LOC101059915: variants seen among roughly 807,000 people sequenced by gnomAD.
chrX:71,668,157 C>G, the LOC101059915 span: 1 of 1,133,463 alleles, frequency 8.8e-7, no homozygotes, highest in South Asian at 2.2e-5. Context: ...CGTCCAGCGT[C>G]CAGGGACACC....
chrX:71,667,896 C>T, the LOC101059915 span: 17 of 1,123,867 alleles, frequency 1.5e-5, 2 homozygotes, highest in South Asian at 3.8e-4. Context: ...GCCCGGGAGC[C>T]CCACGGGGTG....
At chrX:71,669,999 T>C in the LOC101059915 span, among the ~76,000 whole-genome samples, 4 of 112,490 alleles carry the variant, frequency 3.6e-5, no homozygotes, top group East Asian at 2.8e-4. Flanking sequence ...TGCTCAGCCA[T>C]ACCGGCCCTC....
chrX:71,669,608 A>G, the LOC101059915 span: 1 of 965,097 alleles, frequency 1.0e-6, no homozygotes, highest in Non-Finnish European at 1.3e-6. Flanking sequence ...CGTCGTGGAG[A>G]ATACAGCAGT....
chrX:71,669,074 C>T, the LOC101059915 span: 114 of 1,120,498 alleles, frequency 1.0e-4, no homozygotes, highest in Middle Eastern at 2.6e-3. Context: ...CCTCCTTCTC[C>T]TCCTTGCTCT....
the LOC101059915 span, chrX:71,670,701 G>A: frequency 4.9e-5 from 54 of 1,110,532 alleles, no homozygotes; most frequent in African/African-American, 4.3e-4. Flanking sequence ...CAGCGGTGTC[G>A]TTCTGCAGGT....
At chrX:71,668,625 G>A in the LOC101059915 span, 3 of 1,081,999 alleles carry the variant, frequency 2.8e-6, no homozygotes, top group African/African-American at 1.9e-5. Context: ...CCCCAGTCGT[G>A]GAGAGGCCGG....
the LOC101059915 span, chrX:71,670,131 G>T: frequency 8.1e-6 from 7 of 862,794 alleles, no homozygotes; most frequent in Admixed American, 1.7e-4. Context: ...AGGGAGGGTT[G>T]GAGATGCTAG....
the LOC101059915 span, chrX:71,667,888 C>T: frequency 9.0e-7 from 1 of 1,113,904 alleles, no homozygotes; most frequent in Non-Finnish European, 1.2e-6. Flanking sequence ...CACCGCCAGC[C>T]CGGGAGCCCC....
chrX:71,669,911 G>GA, the LOC101059915 span, among the ~76,000 whole-genome samples: 1 of 111,680 alleles, frequency 9.0e-6, no homozygotes. Flanking sequence ...GTGTGGTGGG[G>GA]GCGATTTGGA....
the LOC101059915 span, chrX:71,667,786 T>A: frequency 9.5e-7 from 1 of 1,049,277 alleles, no homozygotes; most frequent in East Asian, 3.7e-5. Context: ...AGCCTGGCTG[T>A]CTAGACTGGC....
chrX:71,668,230 C>T, the LOC101059915 span: 4 of 1,118,207 alleles, frequency 3.6e-6, no homozygotes, highest in Non-Finnish European at 4.7e-6. Context: ...GGAGGTCGGT[C>T]CCAGTTGGAG....
At chrX:71,671,499 C>A in the LOC101059915 span, 1 of 316,630 alleles carries the variant, frequency 3.2e-6, no homozygotes. Context: ...CAGTTCAAAG[C>A]AGTGTGAAAT....
chrX:71,670,916 T>G, the LOC101059915 span: 2 of 752,290 alleles, frequency 2.7e-6, no homozygotes, highest in African/African-American at 2.3e-5. Context: ...TAGAGATACC[T>G]TATGTGTTTT....
the LOC101059915 span, chrX:71,668,697 G>A: frequency 2.8e-6 from 3 of 1,076,095 alleles, no homozygotes; most frequent in African/African-American, 5.7e-5. Context: ...GGGGAAAGAG[G>A]GGGGTCAGGC....
the LOC101059915 span, chrX:71,669,186 G>A: frequency 5.2e-6 from 4 of 766,047 alleles, no homozygotes; most frequent in East Asian, 1.5e-4. Context: ...TTGTCATCGG[G>A]AGCCCAGGGA....
chrX:71,668,400 C>T, the LOC101059915 span: 148 of 1,154,760 alleles, frequency 1.3e-4, no homozygotes, highest in Middle Eastern at 5.3e-4. Context: ...CCGCGGAAGG[C>T]CCCGCCGGGC....
chrX:71,671,332 C>T, the LOC101059915 span: 13 of 978,332 alleles, frequency 1.3e-5, no homozygotes, highest in Non-Finnish European at 2.8e-6. Context: ...GGGGCCCATC[C>T]CTGAGCTGCT....
At chrX:71,668,405 C>A in the LOC101059915 span, 2 of 1,158,587 alleles carry the variant, frequency 1.7e-6, no homozygotes, top group Non-Finnish European at 2.3e-6. Context: ...GAAGGCCCCG[C>A]CGGGCTGAAT....
the LOC101059915 span, chrX:71,667,864 C>A: frequency 9.1e-7 from 1 of 1,096,692 alleles, no homozygotes; most frequent in Non-Finnish European, 1.2e-6. Flanking sequence ...GGGTGGCGAG[C>A]AGGCCGGCGC....
Sources: allele counts gnomAD v4.1 joint callset (sites outside exome capture counted in the v4.1 genomes callset), GRCh38; gene constraint gnomAD v4.1.1; transcripts MANE v1.5.